Variants in TTC17 observed in about 807,000 individuals in gnomAD.
TTC17 encodes tetratricopeptide repeat domain 17.
TTC17 carries 58 observed loss-of-function variants against 143.8 expected under a neutral mutation model. That is an observed-to-expected ratio of 0.40 (90% CI 0.33 to 0.50). The LOEUF (loss-of-function observed/expected upper bound fraction) is 0.50. TTC17 is among the 20% of genes least tolerant of loss of function. TTC17 has a pLI of 0.49. For synonymous variants in TTC17, 501 were observed against 497.8 expected (o/e 1.01, Z -0.09); for missense variants, 1,273 against 1,392.5 (o/e 0.91, Z 1.37).
Position 43,391,469 on chromosome 11 carries a change from G to C in TTC17, c.424G>C (p.Glu142Gln). ...ITLESKDISP[E>Q]DYIDTESPVP... ...ATTGCTTCTTTTTGATTTTAGTCCTGAAGATTATATAGACACAGAATCTCC... is the reference window on the plus strand; with the variant it reads ...ATTGCTTCTTTTTGATTTTAGTCCTCAAGATTATATAGACACAGAATCTCC... The change falls in exon 4 of 24, where the codon GAA becomes CAA. Residue 142 changes from glutamate (E) to glutamine (Q), a missense_variant. Transcript: ENST00000039989. 6.3e-7 allele frequency: 1 copy of C among 1,576,750 alleles called. No homozygotes were observed. The highest frequency in any genetic ancestry group is 1.2e-5 in the South Asian group (1 of 86,824).
At chr11:43,415,657 A>G (rs1946761973) in intron 16 of TTC17, among the ~76,000 whole-genome samples, 2 of 152,198 alleles carry the variant, frequency 1.3e-5, no homozygotes, top group South Asian at 4.1e-4. Context: ...TGTAAAAGAC[A>G]TGAATAATTA....
At chr11:43,435,762 T>C (rs2134699385) in intron 16 of TTC17, among the ~76,000 whole-genome samples, 1 of 152,384 alleles carries the variant, frequency 6.6e-6, no homozygotes, top group South Asian at 2.1e-4. Context: ...AAATAGTATT[T>C]TTCTCTGCTA....
chr11:43,486,634 A>G (rs1948386341), intron 21 of TTC17, among the ~76,000 whole-genome samples: 2 of 152,230 alleles, frequency 1.3e-5, no homozygotes, highest in South Asian at 2.1e-4. Context: ...GTAAGTAAAT[A>G]CAAGTTCCAT....
chr11:43,418,124 A>G (rs1317367494), intron 16 of TTC17, among the ~76,000 whole-genome samples: 1 of 152,218 alleles, frequency 6.6e-6, no homozygotes, highest in African/African-American at 2.4e-5. Flanking sequence ...TGTACTTATA[A>G]AGACTTTATA....
intron 16 of TTC17, among the ~76,000 whole-genome samples, chr11:43,422,053 A>G (rs911877016): frequency 1.3e-5 from 2 of 152,222 alleles, no homozygotes; most frequent in African/African-American, 2.4e-5. Flanking sequence ...TATTGCAAAA[A>G]TATCAGTGAG....
chr11:43,481,093 C>T (rs1948278166), intron 21 of TTC17, among the ~76,000 whole-genome samples: 1 of 152,032 alleles, frequency 6.6e-6, no homozygotes, highest in African/African-American at 2.4e-5. Flanking sequence ...ACCTGAAAAA[C>T]ATATATTTCA....
At chr11:43,443,938 C>T in intron 17 of TTC17, 118 bp from the exon 18 acceptor site, 1 of 1,201,496 alleles carries the variant, frequency 8.3e-7, no homozygotes, top group Non-Finnish European at 1.2e-6. Context: ...AAGAATTAAA[C>T]TCAAGGAGAG....
chr11:43,451,649 T>C (rs1307492742), intron 21 of TTC17, among the ~76,000 whole-genome samples: 1 of 152,200 alleles, frequency 6.6e-6, no homozygotes, highest in Non-Finnish European at 1.5e-5. Context: ...TGAAATGTCT[T>C]TTCTCTTGAA....
At chr11:43,489,464 A>G (rs1948434451) in intron 21 of TTC17, among the ~76,000 whole-genome samples, 1 of 152,268 alleles carries the variant, frequency 6.6e-6, no homozygotes, top group African/African-American at 2.4e-5. Context: ...CCGGGTGGGC[A>G]TGGTGGCTTA....
chr11:43,401,980 AAAATAAATAAATAAAT>A (rs35991566), intron 10 of TTC17, among the ~76,000 whole-genome samples: 18,146 of 140,392 alleles, frequency 0.13, 2,546 homozygotes, highest in African/African-American at 0.35. Context: ...TGTGTCTCAA[AAAATAAATAAATAAAT>A]AAATAAATAA....
At position 43,359,008 on chromosome 11, in the gene TTC17, C is replaced by T; in HGVS notation, c.54C>T (p.Gly18=). 6.3e-7 allele frequency: 1 copy of T among 1,589,126 alleles called. No homozygotes were observed. The highest frequency in any genetic ancestry group is 8.6e-7 in the Non-Finnish European group (1 of 1,168,678). ...RGRYELPPCS[G]PGWLLSLSAL... is the part of the protein sequence containing the mutation. ...GGTACGAGCTGCCGCCTTGCTCCGGCCCAGGCTGGCTCCTCAGCCTTTCCG... is the reference window on the plus strand; with the variant it reads ...GGTACGAGCTGCCGCCTTGCTCCGGTCCAGGCTGGCTCCTCAGCCTTTCCG... The change falls in exon 1 of 24, where the codon GGC becomes GGT. Residue 18 remains glycine (G), a synonymous_variant. Transcript: ENST00000039989.
At chr11:43,453,035 A>G (rs918744392) in intron 21 of TTC17, among the ~76,000 whole-genome samples, 1 of 152,216 alleles carries the variant, frequency 6.6e-6, no homozygotes, top group Non-Finnish European at 1.5e-5. Flanking sequence ...ACTGAAATAT[A>G]TTAAACTTGA....
At chr11:43,460,228 AGTTCCTT>A (rs2134786426) in intron 21 of TTC17, among the ~76,000 whole-genome samples, 1 of 152,212 alleles carries the variant, frequency 6.6e-6, no homozygotes, top group South Asian at 2.1e-4. Flanking sequence ...GAAACTGAGC[AGTTCCTT>A]GTTTAGTTCT....
intron 16 of TTC17, among the ~76,000 whole-genome samples, chr11:43,432,130 T>C (rs1947173167): frequency 6.6e-6 from 1 of 152,180 alleles, no homozygotes; most frequent in African/African-American, 2.4e-5. Context: ...TTGTAAACAA[T>C]TAAGATGAGA....
chr11:43,402,071 G>A (rs1857887827), intron 10 of TTC17, among the ~76,000 whole-genome samples: 2 of 152,044 alleles, frequency 1.3e-5, no homozygotes, highest in South Asian at 4.1e-4. Context: ...ATGTTGTTAT[G>A]TTTACGAAGT....
intron 13 of TTC17, 36 bp downstream of exon 13, chr11:43,405,987 A>T: frequency 6.3e-7 from 1 of 1,594,306 alleles, no homozygotes; most frequent in South Asian, 1.1e-5. Context: ...ATTGCCGTCC[A>T]TTCTGGGTGA....
At chr11:43,491,398 G>A (rs555724578) in intron 22 of TTC17, 10 of 152,302 alleles carry the variant, frequency 6.6e-5, no homozygotes, top group African/African-American at 2.2e-4. Context: ...TCTACCTCTG[G>A]GAGTCAGCAA....
At chr11:43,465,318 G>A (rs1288050428) in intron 21 of TTC17, among the ~76,000 whole-genome samples, 3 of 152,274 alleles carry the variant, frequency 2.0e-5, no homozygotes, top group Non-Finnish European at 2.9e-5. Context: ...CAAGCTTTTA[G>A]TAAAATTATA....
intron 21 of TTC17, among the ~76,000 whole-genome samples, chr11:43,474,882 C>G (rs1167329860): frequency 6.6e-6 from 1 of 152,086 alleles, no homozygotes; most frequent in African/African-American, 2.4e-5. Flanking sequence ...AATATATTTA[C>G]TGTTCATTAA....
Sources: gnomAD v4.1 joint callset for allele counts (sites outside exome capture counted in the v4.1 genomes callset) on GRCh38, gnomAD v4.1.1 for gene constraint, MANE v1.5 for transcripts, NCBI Gene and HGNC (gene_info 2026-07-23, HGNC 2026-07-21) for gene names.